Variants in PDE4D observed in about 807,000 individuals in gnomAD.
PDE4D encodes phosphodiesterase 4D.
In PDE4D, 24 loss-of-function variants were observed where a neutral mutation model predicts 87.4. That is an observed-to-expected ratio of 0.27 (90% CI 0.20 to 0.39). The LOEUF (loss-of-function observed/expected upper bound fraction) is 0.39, where lower values mean the gene tolerates loss of function less well. Ranked by LOEUF, PDE4D falls within the 10% of genes least tolerant of loss-of-function variation. The pLI is 1.00. For missense variants in PDE4D, 714 were observed against 1,041.0 expected, an observed-to-expected ratio of 0.69 and a Z score of 4.32; for synonymous variants, 384 against 383.2, an observed-to-expected ratio of 1.00 and a Z score of -0.02.
chr5:59,394,921 A>T (rs1444715787), intron 1 of PDE4D, among the ~76,000 whole-genome samples: 1 of 152,118 alleles, frequency 6.6e-6, no homozygotes, highest in African/African-American at 2.4e-5. Flanking sequence ...TCACTCGGGA[A>T]GTGCAAGGGG....
At chr5:60,448,113 T>C (rs1246510077) in intron 1 of PDE4D, among the ~76,000 whole-genome samples, 1 of 152,120 alleles carries the variant, frequency 6.6e-6, no homozygotes, top group African/African-American at 2.4e-5. Flanking sequence ...CCAAAATAGA[T>C]TGGAACATTT....
rs67531361 is a variant in PDE4D at position 58,973,846 on chromosome 5, G to GGAA, written c.*815_*817dup. ...AAGTTGTTTTTCTCTTTTAAAATAT[G>GGAA]GAAGTCATTGGTATATAAAACAAAC... On this transcript the variant is annotated 3_prime_UTR_variant, in exon 15 of 15. Coordinates refer to ENST00000340635, the MANE Select transcript of PDE4D (RefSeq NM_001104631.2). 0.16 allele frequency: 24,513 copies of GGAA among 152,382 alleles called. 2,084 individuals carry two copies. Among genetic ancestry groups the GGAA allele is most frequent in the Admixed American group, 0.19 (2,893 of 15,278 alleles). 9.4% of individuals were successfully genotyped at this position (152,382 alleles called of 1,614,324 possible).
At chr5:59,528,967 C>T (rs561403861) in intron 1 of PDE4D, 66 of 448,350 alleles carry the variant, frequency 1.5e-4, no homozygotes, top group South Asian at 8.9e-4. Context: ...GCAAGCTGAA[C>T]GGTTGGCCAT....
intron 1 of PDE4D, among the ~76,000 whole-genome samples, chr5:60,234,040 T>C (rs1746127751): frequency 2.0e-5 from 3 of 151,850 alleles, no homozygotes; most frequent in Non-Finnish European, 4.4e-5. Context: ...TTCAAAGTTA[T>C]GCAACCATCA....
At chr5:60,406,053 TTAAC>T (rs1741500935) in intron 1 of PDE4D, among the ~76,000 whole-genome samples, 1 of 152,118 alleles carries the variant, frequency 6.6e-6, no homozygotes, top group Non-Finnish European at 1.5e-5. Context: ...AGTTTCAGAC[TTAAC>T]TAATTACAAC....
intron 1 of PDE4D, among the ~76,000 whole-genome samples, chr5:59,619,819 A>T (rs1192731321): frequency 1.3e-5 from 2 of 152,190 alleles, no homozygotes; most frequent in African/African-American, 4.8e-5. Flanking sequence ...ATGTCAGTAT[A>T]TTTGGTGTAG....
intron 1 of PDE4D, among the ~76,000 whole-genome samples, chr5:59,594,405 C>T (rs975201770): frequency 3.3e-5 from 5 of 151,998 alleles, no homozygotes; most frequent in African/African-American, 4.8e-5. Flanking sequence ...ACTGCAACTT[C>T]CGCCTCCCGG....
intron 1 of PDE4D, among the ~76,000 whole-genome samples, chr5:59,808,651 C>T (rs966784281): frequency 7.9e-5 from 12 of 152,066 alleles, no homozygotes; most frequent in East Asian, 1.9e-4. Context: ...CATTATTCTG[C>T]TCACACATCA....
At chr5:59,335,646 C>T (rs1439066188) in intron 1 of PDE4D, among the ~76,000 whole-genome samples, 3 of 152,020 alleles carry the variant, frequency 2.0e-5, no homozygotes, top group Admixed American at 2.0e-4. Flanking sequence ...ATAAGTGTCT[C>T]CCTCTCAGGG....
At chr5:59,526,348 G>C (rs561802018) in intron 1 of PDE4D, among the ~76,000 whole-genome samples, 48 of 152,150 alleles carry the variant, frequency 3.2e-4, no homozygotes, top group Admixed American at 5.2e-4. Context: ...GACCATGAAG[G>C]GGGAGACATG....
chr5:59,286,372 G>A (rs1006967058), intron 1 of PDE4D, among the ~76,000 whole-genome samples: 2 of 152,118 alleles, frequency 1.3e-5, no homozygotes, highest in African/African-American at 4.8e-5. Context: ...CCATGCCCTA[G>A]GTCTTACATT....
intron 5 of PDE4D, among the ~76,000 whole-genome samples, chr5:59,086,589 C>A (rs764124469): frequency 1.3e-5 from 2 of 152,116 alleles, no homozygotes; most frequent in African/African-American, 4.8e-5. Context: ...GTGCTGAAAA[C>A]CCCAGCTTAC....
intron 1 of PDE4D, among the ~76,000 whole-genome samples, chr5:59,489,917 T>G (rs925234620): frequency 3.9e-5 from 6 of 152,214 alleles, no homozygotes; most frequent in African/African-American, 1.4e-4. Context: ...ATGATAATAG[T>G]TATCTAAGAT....
intron 1 of PDE4D, among the ~76,000 whole-genome samples, chr5:59,712,086 A>G (rs1325867822): frequency 6.6e-6 from 1 of 152,076 alleles, no homozygotes; most frequent in African/African-American, 2.4e-5. Flanking sequence ...GACAATATTT[A>G]AATAGAATAT....
chr5:59,314,720 C>T (rs1468504818), intron 1 of PDE4D: 1 of 152,160 alleles, frequency 6.6e-6, no homozygotes, highest in Non-Finnish European at 1.5e-5. Context: ...TCAGCAGATT[C>T]CATCTGGAAC....
intron 1 of PDE4D, among the ~76,000 whole-genome samples, chr5:60,411,919 G>C (rs940356528): frequency 6.6e-6 from 1 of 152,050 alleles, no homozygotes; most frequent in Non-Finnish European, 1.5e-5. Context: ...GTGTTATATT[G>C]ACCACAATCT....
At chr5:60,431,165 G>T (rs527328589) in intron 1 of PDE4D, 2 of 201,190 alleles carry the variant, frequency 9.9e-6, no homozygotes, top group African/African-American at 2.4e-5. Context: ...CTGGCCGGGC[G>T]GGGGGCTGAC....
intron 1 of PDE4D, among the ~76,000 whole-genome samples, chr5:59,702,109 C>T (rs1043624403): frequency 1.3e-5 from 2 of 152,122 alleles, no homozygotes; most frequent in African/African-American, 4.8e-5. Flanking sequence ...ATTAGTTAGG[C>T]ACTTACTAAT....
intron 1 of PDE4D, among the ~76,000 whole-genome samples, chr5:60,425,765 A>C (rs1204917355): frequency 1.3e-5 from 2 of 152,208 alleles, no homozygotes; most frequent in Non-Finnish European, 1.5e-5. Flanking sequence ...AATGGGAGAA[A>C]ATTTTTGCAA....
Sources: allele counts gnomAD v4.1 joint callset (sites outside exome capture counted in the v4.1 genomes callset), GRCh38; gene constraint gnomAD v4.1.1; transcripts MANE v1.5; gene names NCBI Gene and HGNC (gene_info 2026-07-23, HGNC 2026-07-21).